Variants in UMODL1 observed in about 807,000 individuals in gnomAD.
UMODL1 encodes the protein uromodulin like 1, also known as uromodulin-like 1.
Under a neutral mutation model 136.3 loss-of-function variants are expected in UMODL1, and 128 were observed. The observed-to-expected ratio is 0.94, with a 90% CI of 0.81 to 1.09. The LOEUF (loss-of-function observed/expected upper bound fraction) is 1.09, where lower values mean the gene tolerates loss of function less well. UMODL1 is among the 50% of genes least tolerant of loss of function. UMODL1 has a pLI of 0.00. For missense variants in UMODL1, 1,766 were observed against 1,725.6 expected, an observed-to-expected ratio of 1.02 and a Z score of -0.41; for synonymous variants, 721 against 720.0, an observed-to-expected ratio of 1.00 and a Z score of -0.02.
At chr21:42,075,947 C>A (rs564516022) in intron 1 of UMODL1, 58 bp from the exon 2 acceptor site, 76 of 1,598,628 alleles carry the variant, frequency 4.8e-5, no homozygotes, top group Non-Finnish European at 6.1e-5. Flanking sequence ...TGCGGATAAC[C>A]GCTCGCACGG....
rs141993007 is a variant in UMODL1 at position 42,128,004 on chromosome 21, G to A, written c.3690+173G>A. 1.5e-5 allele frequency: 13 copies of A among 849,378 alleles called. No individual in the cohort carries two copies. In the East Asian group the frequency reaches 3.1e-4, roughly 20 times the overall value. 52.6% of individuals were successfully genotyped at this position (849,378 alleles called of 1,614,324 possible). On this transcript the variant is annotated intron_variant, in intron 20 of 22. Transcript: ENST00000408910. ...GTCTGAAATGGTATTTCCACGGCAGGCAGCCCTTGGACGGAGGACTCATGT... is the reference window on the plus strand; with the variant it reads ...GTCTGAAATGGTATTTCCACGGCAGACAGCCCTTGGACGGAGGACTCATGT...
In UMODL1 at chr21:42,103,862, G is replaced by C. The variant is rs11701371; in HGVS notation, c.1300-6G>C. 352,169 of 1,613,970 alleles carry C rather than the reference G, an allele frequency of 0.22. 39,325 individuals are homozygous for C. Among genetic ancestry groups the C allele is most frequent in the South Asian group, 0.27 (24,723 of 91,066 alleles). Reference sequence around the variant, plus strand: ...TGGATGTCTGCTGTTGCCTCTTCTTGGCTAGGTCGAGAGCTCCTTCCCACC... The same window carrying C: ...TGGATGTCTGCTGTTGCCTCTTCTTCGCTAGGTCGAGAGCTCCTTCCCACC... On this transcript the variant is annotated splice_region_variant and splice_polypyrimidine_tract_variant and intron_variant, in intron 8 of 22. Transcript: ENST00000408910.
intron 20 of UMODL1, among the ~76,000 whole-genome samples, chr21:42,129,140 C>G (rs1180238315): frequency 4.6e-5 from 7 of 152,026 alleles, no homozygotes; most frequent in African/African-American, 1.7e-4. Flanking sequence ...GGACACCAGC[C>G]ATAGTGGATT....
At position 42,126,378 on chromosome 21, in the gene UMODL1, A is replaced by G. The variant is rs200368040; in HGVS notation, c.3181A>G (p.Arg1061Gly). 221 of 1,614,080 alleles carry G rather than the reference A, an allele frequency of 1.4e-4. No homozygotes were observed. The highest frequency in any genetic ancestry group is 1.7e-4 in the Admixed American group (10 of 60,010). Residue 1061 changes from arginine (R) to glycine (G), a missense_variant, in exon 18 of 23, where the codon AGG (arginine) becomes GGG (glycine). Coordinates refer to ENST00000408910, the MANE Select transcript of UMODL1 (RefSeq NM_001004416.3). ...GAACACCGTGGTGAGGACCACGCTG[A>G]GGAACGACCTGTCCCAGGAGGGCAT... The part of the protein sequence containing the change: ...MTNTVVRTTL[R>G]NDLSQEGIIH...
upstream of UMODL1, among the ~76,000 whole-genome samples, chr21:42,067,584 G>A (rs2066192972): frequency 1.3e-5 from 2 of 152,222 alleles, no homozygotes; most frequent in African/African-American, 2.4e-5. Flanking sequence ...GCTTTCCCCA[G>A]GTTCCACTGT....
rs969629600 is a variant in UMODL1 at position 42,119,296 on chromosome 21, G to A, written c.2661G>A (p.Glu887=). 1.2e-6 allele frequency: 2 copies of A among 1,614,150 alleles called. No homozygotes were observed. The highest frequency in any genetic ancestry group is 1.7e-5 in the Admixed American group (1 of 60,030). The change falls in exon 15 of 23, where the codon GAG becomes GAA. Residue 887 remains glutamate, a synonymous_variant. Coordinates refer to ENST00000408910, the MANE Select transcript of UMODL1 (RefSeq NM_001004416.3). The part of the protein sequence containing the change: ...LTAFQTVPLL[E]VIRGDTFIQD... ...CCTTCCAGACCGTGCCTCTGCTGGA[G>A]GTGATCAGAGGCGACACCTTCATAC...
chr21:42,079,806 T>C (rs987665033), intron 2 of UMODL1, among the ~76,000 whole-genome samples: 3 of 152,184 alleles, frequency 2.0e-5, no homozygotes, highest in Admixed American at 6.5e-5. Flanking sequence ...GGACCGGGGC[T>C]CTCTGACCCC....
rs1253556398 is a variant in UMODL1 at position 42,129,739 on chromosome 21, A to G, written c.3717A>G (p.Gln1239=). 6.3e-7 allele frequency: 1 copy of G among 1,587,492 alleles called. No homozygotes were observed. Among genetic ancestry groups the G allele is most frequent in the Non-Finnish European group, 8.5e-7 (1 of 1,170,810 alleles). The change falls in exon 21 of 23, where the codon CAA becomes CAG. Residue 1239 remains glutamine (Q), a synonymous_variant. Coordinates refer to ENST00000408910, the MANE Select transcript of UMODL1 (RefSeq NM_001004416.3). The part of the protein sequence containing the change: ...KINCNNFRLL[Q]NSETSATHQM... Reference sequence around the variant, plus strand: ...ATTGCAATAACTTTCGGTTGCTGCAAAATAGTGAAACCTCTGCCACACACC... The same window carrying G: ...ATTGCAATAACTTTCGGTTGCTGCAGAATAGTGAAACCTCTGCCACACACC...
intron 10 of UMODL1, among the ~76,000 whole-genome samples, chr21:42,110,068 A>G (rs558989131): frequency 1.5e-5 from 2 of 130,862 alleles, no homozygotes; most frequent in East Asian, 5.3e-4. Context: ...AGTGGCCTGG[A>G]GCCCGAGAGG....
intron 6 of UMODL1, among the ~76,000 whole-genome samples, chr21:42,092,282 T>G (rs1226033272): frequency 2.0e-5 from 3 of 152,148 alleles, no homozygotes; most frequent in Non-Finnish European, 4.4e-5. Context: ...GAGGAGGCTG[T>G]GGACTCCCAG....
chr21:42,100,573 C>T (rs772872298), intron 7 of UMODL1, among the ~76,000 whole-genome samples: 41 of 152,048 alleles, frequency 2.7e-4, no homozygotes, highest in Admixed American at 5.2e-4. Context: ...TTCCAAAGTA[C>T]ACCAGGACTG....
upstream of UMODL1, among the ~76,000 whole-genome samples, chr21:42,066,832 A>G (rs1417733914): frequency 6.6e-6 from 1 of 152,236 alleles, no homozygotes; most frequent in Non-Finnish European, 1.5e-5. Flanking sequence ...TTAAAAGGAT[A>G]AGATCCTTTC....
intron 21 of UMODL1, among the ~76,000 whole-genome samples, chr21:42,135,134 C>T (rs531056185): frequency 6.0e-4 from 92 of 152,340 alleles, no homozygotes; most frequent in African/African-American, 1.2e-3. Flanking sequence ...AAATTTCCCC[C>T]GCATCGTGGA....
At chr21:42,075,250 G>GGA (rs2066277090) in intron 1 of UMODL1, among the ~76,000 whole-genome samples, 1 of 151,682 alleles carries the variant, frequency 6.6e-6, no homozygotes, top group South Asian at 2.1e-4. Flanking sequence ...ATGGGGGGGG[G>GGA]GTTTCACCAT....
intron 21 of UMODL1, among the ~76,000 whole-genome samples, chr21:42,132,585 A>C (rs1465141423): frequency 6.7e-6 from 1 of 149,866 alleles, no homozygotes; most frequent in Non-Finnish European, 1.5e-5. Flanking sequence ...TCTGTTCATT[A>C]ATCCATCCAC....
At chr21:42,129,842 C>T (rs200105039) in intron 21 of UMODL1, 45 bp downstream of exon 21, 29 of 1,395,850 alleles carry the variant, frequency 2.1e-5, no homozygotes, top group South Asian at 1.6e-4. Context: ...AAGATGCAAC[C>T]GATTCCTTTT....
chr21:42,107,907 C>T (rs1016756592), intron 9 of UMODL1, among the ~76,000 whole-genome samples: 4 of 152,212 alleles, frequency 2.6e-5, no homozygotes, highest in Non-Finnish European at 4.4e-5. Flanking sequence ...GTCCCAGCTG[C>T]GGGGCCAGTG....
intron 22 of UMODL1, among the ~76,000 whole-genome samples, chr21:42,140,193 G>C (rs763743892): frequency 6.6e-6 from 1 of 152,344 alleles, no homozygotes; most frequent in Admixed American, 6.5e-5. Flanking sequence ...ACGAAGAGGG[G>C]GTGGGCTGAT....
chr21:42,120,899 C>T (rs1045790423), intron 15 of UMODL1, 188 bp from the exon 16 acceptor site: 4 of 635,098 alleles, frequency 6.3e-6, no homozygotes, highest in Admixed American at 3.5e-5. Flanking sequence ...TGCAGACATA[C>T]TTAGCCATTC....
Sources: gnomAD v4.1 joint callset for allele counts (sites outside exome capture counted in the v4.1 genomes callset) on GRCh38, gnomAD v4.1.1 for gene constraint, MANE v1.5 for transcripts, NCBI Gene and HGNC (gene_info 2026-07-23, HGNC 2026-07-21) for gene names.